Variants in EML4 observed in about 807,000 individuals in gnomAD.
EML4 encodes echinoderm microtubule-associated protein-like 4.
A neutral mutation model predicts 129.0 loss-of-function variants in EML4; 72 were observed. The ratio of observed to expected loss-of-function variants is 0.56; its 90% CI spans 0.46 to 0.68. EML4 has a LOEUF of 0.68. Among genes scored for constraint, EML4 ranks in the 30% least tolerant of loss-of-function variants. The pLI is 0.00. For synonymous variants in EML4, 532 were observed against 405.0 expected, an observed-to-expected ratio of 1.31 and a Z score of -3.77; for missense variants, 1,363 against 1,190.6, an observed-to-expected ratio of 1.14 and a Z score of -2.13.
intron 8 of EML4, among the ~76,000 whole-genome samples, chr2:42,283,960 G>T (rs1190102541): frequency 3.3e-5 from 5 of 152,188 alleles, no homozygotes; most frequent in Admixed American, 2.6e-4. Flanking sequence ...AACCGTTGTT[G>T]AAAGAGTCTA....
chr2:42,210,797 A>G (rs186645883), intron 1 of EML4, among the ~76,000 whole-genome samples: 110 of 152,334 alleles, frequency 7.2e-4, no homozygotes, highest in African/African-American at 2.5e-3. Context: ...CCTTTTTAAA[A>G]ATAAAAACTC....
intron 1 of EML4, among the ~76,000 whole-genome samples, chr2:42,222,740 C>G (rs1398469653): frequency 6.6e-6 from 1 of 152,154 alleles, no homozygotes; most frequent in Non-Finnish European, 1.5e-5. Flanking sequence ...ATCCATTGAT[C>G]ATGCATAGCC....
At chr2:42,173,373 A>G (rs1274621731) in intron 1 of EML4, among the ~76,000 whole-genome samples, 3 of 152,290 alleles carry the variant, frequency 2.0e-5, no homozygotes, top group South Asian at 4.1e-4. Context: ...GTGTAACCAG[A>G]CATGAGTAGT....
At chr2:42,210,162 G>C (rs1672805405) in intron 1 of EML4, among the ~76,000 whole-genome samples, 1 of 152,088 alleles carries the variant, frequency 6.6e-6, no homozygotes, top group Admixed American at 6.6e-5. Flanking sequence ...TTTACCTAGT[G>C]CCTCTTTTCT....
At chr2:42,266,004 A>G (rs772071564) in intron 6 of EML4, among the ~76,000 whole-genome samples, 2 of 152,232 alleles carry the variant, frequency 1.3e-5, no homozygotes, top group East Asian at 1.9e-4. Flanking sequence ...CTTTCTGTGC[A>G]TGGTTTTCAC....
At chr2:42,226,026 C>T (rs775983470) in intron 1 of EML4, among the ~76,000 whole-genome samples, 5 of 151,888 alleles carry the variant, frequency 3.3e-5, no homozygotes, top group East Asian at 1.9e-4. Flanking sequence ...AACAAATGAG[C>T]TCTAATTGTG....
chr2:42,192,631 C>T (rs1199666903), intron 1 of EML4, among the ~76,000 whole-genome samples: 1 of 152,112 alleles, frequency 6.6e-6, no homozygotes, highest in Non-Finnish European at 1.5e-5. Flanking sequence ...TCATCTCTTG[C>T]CTCTTTGATT....
chr2:42,280,993 C>T lies in EML4; in HGVS notation c.791+20C>T. The T allele has an allele frequency of 6.5e-7, 1 of 1,543,438 alleles. No individual in the cohort carries two copies. The highest frequency in any genetic ancestry group is 8.7e-7 in the Non-Finnish European group (1 of 1,144,688). ...GTGGGCGTATCCTTCTCTACCATGA[C>T]AGCAAATTCATTTGCTTTGTCTCTA... On this transcript the variant is annotated intron_variant, in intron 7 of 22. Coordinates refer to ENST00000318522, the MANE Select transcript of EML4 (RefSeq NM_019063.5).
In EML4 at chr2:42,191,342, C is replaced by T. The variant is rs578083781; in HGVS notation, c.25+21706C>T. The stretch of plus-strand genomic sequence containing the variant: ...CTCTGAAATGATCTTCCCCCAGCAG[C>T]AGTGGTCATGGCTACCGGTAGCTCT... On this transcript the variant is annotated intron_variant, in intron 1 of 22. Coordinates refer to ENST00000318522, the MANE Select transcript of EML4 (RefSeq NM_019063.5). Among the ~76,000 whole-genome samples the T allele has an allele frequency of 4.6e-5, 7 of 152,242 alleles. No homozygotes were observed. In the East Asian group the frequency reaches 9.6e-4, roughly 21 times the overall value.
intron 1 of EML4, among the ~76,000 whole-genome samples, chr2:42,187,534 T>G (rs984185748): frequency 3.9e-5 from 6 of 152,226 alleles, no homozygotes; most frequent in Non-Finnish European, 8.8e-5. Context: ...GACTAGATGA[T>G]GGACATTTCA....
intron 3 of EML4, among the ~76,000 whole-genome samples, chr2:42,259,072 C>T (rs1026604801): frequency 3.3e-5 from 5 of 152,046 alleles, no homozygotes; most frequent in Non-Finnish European, 7.4e-5. Context: ...CATGGTGTAA[C>T]CCCATCTCTG....
intron 1 of EML4, among the ~76,000 whole-genome samples, chr2:42,194,631 C>T (rs935146516): frequency 6.6e-6 from 1 of 151,986 alleles, no homozygotes; most frequent in Non-Finnish European, 1.5e-5. Flanking sequence ...TCACCTCAGC[C>T]TCCCAAGTAG....
chr2:42,318,552 T>C (rs993805583), intron 19 of EML4, among the ~76,000 whole-genome samples: 2 of 152,214 alleles, frequency 1.3e-5, no homozygotes, highest in African/African-American at 4.8e-5. Context: ...TAATGAATCA[T>C]TATCCATTAA....
chr2:42,194,345 CTCT>C (rs1671775957), intron 1 of EML4, among the ~76,000 whole-genome samples: 1 of 100,900 alleles, frequency 9.9e-6, no homozygotes, highest in South Asian at 3.1e-4. Context: ...TTCTCTCTCT[CTCT>C]TTTTTTTTTT....
chr2:42,267,911 TGTTAGAGGTAGCA>T (rs1338019420), intron 6 of EML4, among the ~76,000 whole-genome samples: 4 of 152,220 alleles, frequency 2.6e-5, no homozygotes, highest in African/African-American at 9.6e-5. Flanking sequence ...GACTATCTAT[TGTTAGAGGTAGCA>T]GTTAGGTTGT....
intron 17 of EML4, among the ~76,000 whole-genome samples, chr2:42,313,283 T>G (rs1352159264): frequency 6.6e-6 from 1 of 152,204 alleles, no homozygotes. Context: ...AACATGTATT[T>G]GATTGATGTC....
Position 42,295,121 on chromosome 2 carries a change from A to G in EML4, c.1219-4A>G. On this transcript the variant is annotated splice_region_variant and splice_polypyrimidine_tract_variant and intron_variant, in intron 11 of 22. Transcript: ENST00000318522. ...CATCTAAAGCTTTATTTCCCTTTTC[A>G]TAGACAACAAATGAAGTTGTTTTGG... The G allele has an allele frequency of 6.2e-7, 1 of 1,603,538 alleles. No individual in the cohort carries two copies. Among genetic ancestry groups the G allele is most frequent in the Non-Finnish European group, 8.5e-7 (1 of 1,176,846 alleles).
chr2:42,181,287 A>AT (rs1670923348), intron 1 of EML4, among the ~76,000 whole-genome samples: 1 of 151,834 alleles, frequency 6.6e-6, no homozygotes, highest in African/African-American at 2.4e-5. Context: ...CAGGTTTCTT[A>AT]TTTTTTTATT....
Position 42,228,648 on chromosome 2 carries a change from C to T in EML4, c.26-16857C>T, listed in dbSNP as rs556026780. 3.9e-5 allele frequency among the ~76,000 whole-genome samples: 6 copies of T among 152,264 alleles called. No homozygotes were observed. The South Asian group carries it at 8.3e-4, about 21-fold the overall frequency. Reference sequence around the variant, plus strand: ...TATTTTGCTTTTAACAGAGAAATAACTTGCTCCAGAGACCAGGCTTTCATT... The same window carrying T: ...TATTTTGCTTTTAACAGAGAAATAATTTGCTCCAGAGACCAGGCTTTCATT... On this transcript the variant is annotated intron_variant, in intron 1 of 22. Transcript: ENST00000318522.
Sources: allele counts gnomAD v4.1 joint callset (sites outside exome capture counted in the v4.1 genomes callset), GRCh38; gene constraint gnomAD v4.1.1; transcripts MANE v1.5; gene names NCBI Gene and HGNC (gene_info 2026-07-23, HGNC 2026-07-21).